ASTN2: variants seen among roughly 807,000 people sequenced by gnomAD.
ASTN2 encodes the protein astrotactin 2.
Under a neutral mutation model 139.8 loss-of-function variants are expected in ASTN2, and 54 were observed. The ratio of observed to expected loss-of-function variants is 0.39; its 90% CI spans 0.31 to 0.48. ASTN2 has a LOEUF of 0.48. Ranked by LOEUF, ASTN2 falls within the 20% of genes least tolerant of loss-of-function variation. ASTN2 has a pLI of 0.95. For missense variants in ASTN2, 1,565 were observed against 1,725.1 expected (o/e 0.91, Z 1.64); for synonymous variants, 756 against 719.5 (o/e 1.05, Z -0.81).
At chr9:116,712,166 C>T (rs1053916161) in intron 16 of ASTN2, among the ~76,000 whole-genome samples, 1 of 152,280 alleles carries the variant, frequency 6.6e-6, no homozygotes, top group African/African-American at 2.4e-5. Context: ...TTTTTCTTAT[C>T]TCAGGGACAT....
chr9:116,564,252 TC>T, intron 19 of ASTN2, among the ~76,000 whole-genome samples: 1 of 152,302 alleles, frequency 6.6e-6, no homozygotes, highest in African/African-American at 2.4e-5. Context: ...AATGCACTTC[TC>T]CCCTGAACTA....
At chr9:117,405,216 A>T (rs1830948557) in intron 1 of ASTN2, among the ~76,000 whole-genome samples, 1 of 152,218 alleles carries the variant, frequency 6.6e-6, no homozygotes, top group Non-Finnish European at 1.5e-5. Flanking sequence ...TCTAGAGATG[A>T]AAAGTTGAGA....
chr9:117,180,884 C>A, intron 3 of ASTN2: 1 of 1,585,512 alleles, frequency 6.3e-7, no homozygotes, highest in Non-Finnish European at 8.6e-7. Flanking sequence ...TTGAACTTGG[C>A]CCTGCGCAGG....
At chr9:117,275,222 T>C (rs1834157494) in intron 2 of ASTN2, among the ~76,000 whole-genome samples, 1 of 152,214 alleles carries the variant, frequency 6.6e-6, no homozygotes, top group South Asian at 2.1e-4. Flanking sequence ...TTTTCCAACA[T>C]GCACTTCAAA....
chr9:116,595,300 A>G (rs1854518850), intron 19 of ASTN2, among the ~76,000 whole-genome samples: 1 of 149,898 alleles, frequency 6.7e-6, no homozygotes, highest in African/African-American at 2.5e-5. Context: ...TACTTAACAA[A>G]TGTCATTACT....
chr9:116,526,621 C>A (rs200337932), intron 19 of ASTN2, among the ~76,000 whole-genome samples: 73 of 137,240 alleles, frequency 5.3e-4, no homozygotes, highest in East Asian at 6.3e-4. Flanking sequence ...GAACTTGTCT[C>A]AAAAAAAAAA....
chr9:116,797,158 T>C (rs1169231676), intron 13 of ASTN2, among the ~76,000 whole-genome samples: 4 of 152,168 alleles, frequency 2.6e-5, no homozygotes, highest in Non-Finnish European at 5.9e-5. Flanking sequence ...TGGAAGGTAA[T>C]GGATCTATCT....
At chr9:117,319,485 T>C (rs964540874) in intron 1 of ASTN2, among the ~76,000 whole-genome samples, 3 of 152,070 alleles carry the variant, frequency 2.0e-5, no homozygotes, top group Admixed American at 1.3e-4. Flanking sequence ...CTGGAGTGCA[T>C]TGGTGCAATC....
At chr9:116,765,709 A>T (rs1829789042) in intron 13 of ASTN2, among the ~76,000 whole-genome samples, 1 of 152,154 alleles carries the variant, frequency 6.6e-6, no homozygotes, top group Non-Finnish European at 1.5e-5. Context: ...AAAAAATAGA[A>T]GGGAAAAATC....
chr9:116,678,287 T>A (rs967553625), intron 16 of ASTN2, among the ~76,000 whole-genome samples: 1 of 152,168 alleles, frequency 6.6e-6, no homozygotes, highest in Non-Finnish European at 1.5e-5. Context: ...ATGACCAACA[T>A]CTACAATAAA....
At chr9:117,302,387 C>G (rs1010721561) in intron 1 of ASTN2, among the ~76,000 whole-genome samples, 1 of 152,144 alleles carries the variant, frequency 6.6e-6, no homozygotes. Flanking sequence ...CATCATGATG[C>G]AGTGTTCTTC....
chr9:117,034,182 G>A (rs1425365393), intron 6 of ASTN2, among the ~76,000 whole-genome samples: 1 of 152,142 alleles, frequency 6.6e-6, no homozygotes, highest in Non-Finnish European at 1.5e-5. Flanking sequence ...TCCTTTAAAA[G>A]CAGACTCTTC....
intron 13 of ASTN2, among the ~76,000 whole-genome samples, chr9:116,756,518 A>C (rs1212649890): frequency 1.3e-5 from 2 of 152,126 alleles, no homozygotes; most frequent in African/African-American, 4.8e-5. Context: ...AGTAATTCCA[A>C]GTCTAACAGA....
intron 4 of ASTN2, among the ~76,000 whole-genome samples, chr9:117,109,196 C>T (rs751321403): frequency 1.4e-4 from 22 of 151,938 alleles, no homozygotes; most frequent in Middle Eastern, 3.2e-3. Context: ...GCAGGAAAAT[C>T]GCTTGAACCT....
intron 10 of ASTN2, among the ~76,000 whole-genome samples, chr9:116,889,581 C>T (rs62565801): frequency 0.22 from 33,664 of 151,766 alleles, 4,403 homozygotes; most frequent in Middle Eastern, 0.3. Context: ...TCATGTGTGC[C>T]TGGTATAATA....
intron 2 of ASTN2, among the ~76,000 whole-genome samples, chr9:117,226,536 T>C (rs1490443454): frequency 1.3e-5 from 2 of 152,222 alleles, no homozygotes; most frequent in Non-Finnish European, 1.5e-5. Flanking sequence ...GTCCTTACCT[T>C]ACCCCCTTAT....
chr9:116,986,485 G>T (rs1785640217), intron 7 of ASTN2, among the ~76,000 whole-genome samples: 1 of 152,342 alleles, frequency 6.6e-6, no homozygotes, highest in East Asian at 1.9e-4. Flanking sequence ...AGAGGAGTGT[G>T]CAGGAGGTAT....
Position 116,632,205 on chromosome 9 carries a change from A to AAAAAGAAAGAAAGAAAGAAAGAAAG in ASTN2, c.3073-11763_3073-11762insCTTTCTTTCTTTCTTTCTTTCTTTT, listed in dbSNP as rs1554723307. 7.3e-4 allele frequency among the ~76,000 whole-genome samples: 33 copies of AAAAAGAAAGAAAGAAAGAAAGAAAG among 45,304 alleles called. 1 individual carries two copies. The highest frequency in any genetic ancestry group is 1.6e-3 in the South Asian group (2 of 1,248). 29.7% of individuals were successfully genotyped at this position (45,304 alleles called of 152,430 possible). ...GAGAGGGAGAGAGAGAGAAAGAAAG[A>AAAAAGAAAGAAAGAAAGAAAGAAAG]AAAGAAAGAAAGAAAGAAAGAAAGA... On this transcript the variant is annotated intron_variant, in intron 17 of 22. Transcript: ENST00000313400.
chr9:116,797,955 C>G (rs1830745767), intron 13 of ASTN2, among the ~76,000 whole-genome samples: 1 of 152,196 alleles, frequency 6.6e-6, no homozygotes, highest in Admixed American at 6.5e-5. Context: ...CCACTGTGAG[C>G]CTCAGGTATC....
Sources: allele counts gnomAD v4.1 joint callset (sites outside exome capture counted in the v4.1 genomes callset), GRCh38; gene constraint gnomAD v4.1.1; transcripts MANE v1.5; gene names NCBI Gene and HGNC (gene_info 2026-07-23, HGNC 2026-07-21).